Variants in CFAP61 observed in about 807,000 individuals in gnomAD.
CFAP61 encodes the protein cilia and flagella associated protein 61.
In CFAP61, 107 loss-of-function variants were observed where a neutral mutation model predicts 135.6. The observed-to-expected ratio is 0.79, with a 90% CI of 0.67 to 0.93. The LOEUF is 0.93. Ranked by LOEUF, CFAP61 falls within the 40% of genes least tolerant of loss-of-function variation. CFAP61 has a pLI of 0.00. For synonymous variants in CFAP61, 575 were observed against 578.5 expected (o/e 0.99, Z 0.09); for missense variants, 1,507 against 1,556.2 (o/e 0.97, Z 0.53).
intron 9 of CFAP61, among the ~76,000 whole-genome samples, chr20:20,153,277 G>C (rs1445325820): frequency 6.6e-6 from 1 of 152,036 alleles, no homozygotes; most frequent in Non-Finnish European, 1.5e-5. Flanking sequence ...GTCTGAAAGA[G>C]CACAGATAGA....
intron 18 of CFAP61, among the ~76,000 whole-genome samples, chr20:20,242,206 T>A (rs1033779438): frequency 6.6e-6 from 1 of 152,204 alleles, no homozygotes; most frequent in Non-Finnish European, 1.5e-5. Flanking sequence ...AGGGCAGGTG[T>A]TTCTCTCTGA....
At chr20:20,052,883 C>G (rs1283412322) in intron 1 of CFAP61, 1 of 669,900 alleles carries the variant, frequency 1.5e-6, no homozygotes, top group Non-Finnish European at 2.5e-6. Flanking sequence ...TGGGTCCACG[C>G]CCCCTCGTTT....
intron 5 of CFAP61, 84 bp downstream of exon 5, chr20:20,075,340 TAA>T: frequency 1.3e-6 from 2 of 1,506,952 alleles, no homozygotes; most frequent in East Asian, 2.3e-5. Context: ...GAATGAGAAA[TAA>T]GAGTGGTCTC....
intron 17 of CFAP61, among the ~76,000 whole-genome samples, chr20:20,205,076 AT>A (rs2056799365): frequency 6.6e-6 from 1 of 152,028 alleles, no homozygotes; most frequent in Non-Finnish European, 1.5e-5. Flanking sequence ...ATAATATGTT[AT>A]ATATTATATA....
At chr20:20,084,080 C>T (rs543208072) in intron 6 of CFAP61, among the ~76,000 whole-genome samples, 2 of 152,088 alleles carry the variant, frequency 1.3e-5, no homozygotes, top group South Asian at 4.2e-4. Flanking sequence ...TAGTTGACGC[C>T]GATCTTAGGT....
intron 25 of CFAP61, among the ~76,000 whole-genome samples, chr20:20,304,824 C>G (rs1185007998): frequency 6.6e-6 from 1 of 151,970 alleles, no homozygotes; most frequent in Non-Finnish European, 1.5e-5. Flanking sequence ...GTCAGGTACC[C>G]GAACACCCCT....
intron 7 of CFAP61, among the ~76,000 whole-genome samples, chr20:20,097,071 G>T (rs543069438): frequency 2.0e-5 from 3 of 149,076 alleles, no homozygotes; most frequent in Non-Finnish European, 4.4e-5. Flanking sequence ...AGACATATTC[G>T]AGAACAAATA....
chr20:20,187,824 C>G (rs2055620941), intron 13 of CFAP61, 106 bp from the exon 14 acceptor site: 1 of 830,962 alleles, frequency 1.2e-6, no homozygotes, highest in Non-Finnish European at 1.9e-6. Flanking sequence ...ACATACTTTA[C>G]TGGATATTAT....
intron 18 of CFAP61, among the ~76,000 whole-genome samples, 199 bp from the exon 19 acceptor site, chr20:20,245,918 A>G (rs978237482): frequency 1.4e-4 from 22 of 152,212 alleles, no homozygotes; most frequent in African/African-American, 4.8e-4. Context: ...GGAAGATTCT[A>G]TAGTTAGCAG....
Position 20,143,113 on chromosome 20 carries a change from A to T in CFAP61, c.951+165A>T, listed in dbSNP as rs538473517. ...GCACACCGCGAGCTGGGGGAAACAGAGGCCTCTGTGTTTGTAACAGACAAA... is the reference window on the plus strand; with the variant it reads ...GCACACCGCGAGCTGGGGGAAACAGTGGCCTCTGTGTTTGTAACAGACAAA... On this transcript the variant is annotated intron_variant, in intron 9 of 26. Coordinates refer to ENST00000245957, the MANE Select transcript of CFAP61 (RefSeq NM_015585.4). 2.4e-4 allele frequency among the ~76,000 whole-genome samples: 36 copies of T among 152,338 alleles called. 1 individual carries two copies. Among genetic ancestry groups the T allele is most frequent in the African/African-American group, 8.4e-4 (35 of 41,588 alleles).
At chr20:20,282,874 G>T (rs1222053634) in intron 22 of CFAP61, among the ~76,000 whole-genome samples, 1 of 151,786 alleles carries the variant, frequency 6.6e-6, no homozygotes, top group Admixed American at 6.5e-5. Flanking sequence ...AGGAGGTGGA[G>T]GTTGCAGTGA....
At chr20:20,348,797 T>TAAA (rs36120926) in intron 26 of CFAP61, among the ~76,000 whole-genome samples, 18 of 127,158 alleles carry the variant, frequency 1.4e-4, no homozygotes, top group Non-Finnish European at 2.4e-4. Context: ...GTAAAAACAC[T>TAAA]AAAAAAAAAA....
chr20:20,322,726 C>T, intron 25 of CFAP61: 1 of 985,220 alleles, frequency 1.0e-6, no homozygotes, highest in Non-Finnish European at 1.2e-6. Flanking sequence ...CCTTCTGTGG[C>T]CTCTCGAGAA....
intron 26 of CFAP61, among the ~76,000 whole-genome samples, chr20:20,358,062 A>T (rs1268285715): frequency 1.7e-5 from 2 of 119,666 alleles, no homozygotes; most frequent in South Asian, 2.9e-4. Context: ...GTGTGAGGGG[A>T]GGTGGTCACA....
At chr20:20,253,640 G>A (rs2051194141) in intron 20 of CFAP61, 1 of 456,358 alleles carries the variant, frequency 2.2e-6, no homozygotes, top group Admixed American at 2.3e-5. Flanking sequence ...GTTTGGCCTG[G>A]ACGCACCTAC....
chr20:20,203,093 C>T (rs1383678357), intron 17 of CFAP61, among the ~76,000 whole-genome samples: 1 of 152,156 alleles, frequency 6.6e-6, no homozygotes, highest in Non-Finnish European at 1.5e-5. Flanking sequence ...TAATTCCTGC[C>T]TGGTTTGGAC....
At chr20:20,091,099 C>A in intron 7 of CFAP61, 123 bp downstream of exon 7, 1 of 1,090,110 alleles carries the variant, frequency 9.2e-7, no homozygotes, top group Non-Finnish European at 1.4e-6. Context: ...CCCGGCCCTC[C>A]CACTGCCCTT....
At chr20:20,203,781 ACTGTG>A (rs2056738925) in intron 17 of CFAP61, among the ~76,000 whole-genome samples, 2 of 152,228 alleles carry the variant, frequency 1.3e-5, no homozygotes, top group South Asian at 2.1e-4. Flanking sequence ...TTCAGATATG[ACTGTG>A]TCACCATCCA....
At chr20:20,345,995 G>A (rs1436152863) in intron 26 of CFAP61, among the ~76,000 whole-genome samples, 6 of 132,084 alleles carry the variant, frequency 4.5e-5, no homozygotes, top group African/African-American at 8.2e-5. Context: ...TCCACTTCCC[G>A]GGTTCACGCC....
Sources: allele counts gnomAD v4.1 joint callset (sites outside exome capture counted in the v4.1 genomes callset), GRCh38; gene constraint gnomAD v4.1.1; transcripts MANE v1.5; gene names NCBI Gene and HGNC (gene_info 2026-07-23, HGNC 2026-07-21).